The following SCNN1B variants were observed in gnomAD, a reference collection of about 807,000 sequenced individuals.
SCNN1B encodes the protein sodium channel epithelial 1 subunit beta.
In SCNN1B, 46 loss-of-function variants were observed where a neutral mutation model predicts 65.3. That is an observed-to-expected ratio of 0.70 (90% confidence interval 0.56 to 0.90). The LOEUF is 0.90. Ranked by LOEUF, SCNN1B falls within the 40% of genes least tolerant of loss-of-function variation. The pLI is 0.00. For synonymous variants in SCNN1B, 349 were observed against 330.6 expected (o/e 1.06, Z -0.60); for missense variants, 751 against 830.5 (o/e 0.90, Z 1.18).
chr16:23,373,643 A>G (rs746260795), intron 7 of SCNN1B, among the ~76,000 whole-genome samples: 1 of 152,110 alleles, frequency 6.6e-6, no homozygotes, highest in Non-Finnish European at 1.5e-5. Flanking sequence ...AGTCATAACA[A>G]GAGGGCAGCC....
At chr16:23,290,097 GC>G (rs1394933019) in intron 2 of SCNN1B, among the ~76,000 whole-genome samples, 92 of 152,250 alleles carry the variant, frequency 6.0e-4, no homozygotes, top group African/African-American at 2.2e-3. Flanking sequence ...GTAGAAATCT[GC>G]ACGTCTCCGT....
At chr16:23,323,529 G>A (rs1961631440) in intron 1 of SCNN1B, 1 of 702,834 alleles carries the variant, frequency 1.4e-6, no homozygotes, top group Non-Finnish European at 2.6e-6. Flanking sequence ...AATGAACTCA[G>A]TACTATTTTC....
In SCNN1B at chr16:23,374,593, A is replaced by T. The variant is rs1440107787; in HGVS notation, c.1153-1145A>T. 5.3e-5 allele frequency among the ~76,000 whole-genome samples: 8 copies of T among 151,326 alleles called. No individual in the cohort carries two copies. In the South Asian group the frequency reaches 1.7e-3, roughly 32 times the overall value. On this transcript the variant is annotated intron_variant, in intron 7 of 12. Coordinates refer to ENST00000343070, the MANE Select transcript of SCNN1B (RefSeq NM_000336.3). ...CATCTCAAAAAAAAAAAAAAAAAAAAAAAAAGAATGTAAAACACTTGCCCG... is the reference window on the plus strand; with the variant it reads ...CATCTCAAAAAAAAAAAAAAAAAAATAAAAAGAATGTAAAACACTTGCCCG...
At chr16:23,355,226 G>A in intron 3 of SCNN1B, 73 bp from the exon 4 acceptor site, 3 of 1,474,350 alleles carry the variant, frequency 2.0e-6, no homozygotes, top group South Asian at 2.3e-5. Flanking sequence ...CCCTGCTAGG[G>A]CCCTCGAGCA....
intron 4 of SCNN1B, among the ~76,000 whole-genome samples, chr16:23,367,356 G>A (rs893480939): frequency 2.0e-5 from 3 of 152,116 alleles, no homozygotes; most frequent in African/African-American, 7.2e-5. Context: ...GGAGTGCAGT[G>A]GCACAATCAT....
At chr16:23,304,207 G>A in intron 1 of SCNN1B, 2 of 880,382 alleles carry the variant, frequency 2.3e-6, no homozygotes, top group Non-Finnish European at 3.6e-6. Flanking sequence ...TTTAGGGGAT[G>A]AGGTCCTCTC....
intron 1 of SCNN1B, among the ~76,000 whole-genome samples, chr16:23,341,045 A>C (rs1567303379): frequency 1.3e-5 from 2 of 152,186 alleles, no homozygotes; most frequent in Admixed American, 1.3e-4. Flanking sequence ...TTTGGTTGAA[A>C]TTGAGTAGAC....
intron 7 of SCNN1B, among the ~76,000 whole-genome samples, chr16:23,372,801 A>AC (rs1230824785): frequency 6.7e-6 from 1 of 148,866 alleles, no homozygotes; most frequent in Admixed American, 6.7e-5. Flanking sequence ...CTTTATTATT[A>AC]TTTTTTTAAA....
chr16:23,305,066 G>T (rs1230322641), intron 1 of SCNN1B, among the ~76,000 whole-genome samples: 1 of 152,054 alleles, frequency 6.6e-6, no homozygotes, highest in African/African-American at 2.4e-5. Context: ...CAGACCAGAG[G>T]GTCCTTTGCA....
At chr16:23,350,989 A>G (rs1314190046) in intron 2 of SCNN1B, among the ~76,000 whole-genome samples, 2 of 152,160 alleles carry the variant, frequency 1.3e-5, no homozygotes, top group Admixed American at 6.6e-5. Context: ...GCTTGAAATC[A>G]GAGCATGTTG....
chr16:23,314,943 G>A (rs1234128563), intron 1 of SCNN1B, among the ~76,000 whole-genome samples: 5 of 152,194 alleles, frequency 3.3e-5, no homozygotes, highest in Admixed American at 1.3e-4. Flanking sequence ...GCACAAGGTG[G>A]GGAACGCGTG....
At chr16:23,367,993 G>T in intron 5 of SCNN1B, 34 bp downstream of exon 5, 1 of 1,521,154 alleles carries the variant, frequency 6.6e-7, no homozygotes, top group Non-Finnish European at 9.1e-7. Flanking sequence ...CCAGAGCCAT[G>T]AGGCTTTAAC....
chr16:23,375,062 G>A (rs1356672436), intron 7 of SCNN1B, among the ~76,000 whole-genome samples: 1 of 152,106 alleles, frequency 6.6e-6, no homozygotes, highest in African/African-American at 2.4e-5. Context: ...GCTGGTCTCT[G>A]AGTGGACTGA....
intron 1 of SCNN1B, among the ~76,000 whole-genome samples, chr16:23,343,619 G>A (rs1326339547): frequency 1.2e-4 from 14 of 112,048 alleles, no homozygotes; most frequent in South Asian, 3.5e-4. Flanking sequence ...AAGAAAGAAA[G>A]AAAGAAAGAA....
At chr16:23,313,117 A>G (rs1341939401) in intron 1 of SCNN1B, among the ~76,000 whole-genome samples, 7 of 151,846 alleles carry the variant, frequency 4.6e-5, no homozygotes, top group Non-Finnish European at 1.0e-4. Context: ...AATTCCCAGT[A>G]GATGCTCAGT....
At chr16:23,289,673 CT>C (rs11369014) in intron 2 of SCNN1B, among the ~76,000 whole-genome samples, 7,754 of 123,998 alleles carry the variant, frequency 0.063, 127 homozygotes, top group Middle Eastern at 0.11. Flanking sequence ...CAATATTTAA[CT>C]TTTTTTTTTT....
intron 3 of SCNN1B, 65 bp from the exon 4 acceptor site, chr16:23,355,234 G>A: frequency 4.6e-6 from 7 of 1,525,538 alleles, no homozygotes; most frequent in Non-Finnish European, 6.4e-6. Context: ...GGGCCCTCGA[G>A]CAGTGGCTGG....
chr16:23,325,277 T>A (rs1961671264), intron 1 of SCNN1B, among the ~76,000 whole-genome samples: 1 of 152,148 alleles, frequency 6.6e-6, no homozygotes, highest in Admixed American at 6.6e-5. Context: ...TTCTTTTTCT[T>A]TTTTTTGAGT....
At chr16:23,284,417 A>T (rs1445216710) in intron 2 of SCNN1B, among the ~76,000 whole-genome samples, 1 of 152,150 alleles carries the variant, frequency 6.6e-6, no homozygotes, top group Non-Finnish European at 1.5e-5. Context: ...AAAAATAAAT[A>T]AATAAAAATA....
Sources: allele counts gnomAD v4.1 joint callset (sites outside exome capture counted in the v4.1 genomes callset), GRCh38; gene constraint gnomAD v4.1.1; transcripts MANE v1.5; gene names NCBI Gene and HGNC (gene_info 2026-07-23, HGNC 2026-07-21).